The following ZNF678 variants were observed in gnomAD, a reference collection of about 807,000 sequenced individuals.
ZNF678 encodes the protein hypothetical protein MGC42493.
ZNF678 carries 5 observed loss-of-function variants against 3.0 expected under a neutral mutation model. The ratio of observed to expected loss-of-function variants is 1.69; its 90% CI spans 0.88 to 3.56. The LOEUF is 3.56. Ranked by LOEUF, ZNF678 falls within the 30% of genes most tolerant of loss-of-function variation. ZNF678 has a pLI of 0.00. For missense variants in ZNF678, 593 were observed against 605.0 expected, an observed-to-expected ratio of 0.98 and a Z score of 0.21; for synonymous variants, 218 against 199.6, an observed-to-expected ratio of 1.09 and a Z score of -0.78.
At chr1:227,589,997 CAGAT>C (rs1329908995) in intron 1 of ZNF678, among the ~76,000 whole-genome samples, 1 of 151,806 alleles carries the variant, frequency 6.6e-6, no homozygotes, top group Non-Finnish European at 1.5e-5. Context: ...CCCTGCATGA[CAGAT>C]AGTGATTTAT....
chr1:227,625,865 C>T (rs1056774606), intron 1 of ZNF678, among the ~76,000 whole-genome samples: 1 of 152,138 alleles, frequency 6.6e-6, no homozygotes, highest in African/African-American at 2.4e-5. Flanking sequence ...GACAGTGGCT[C>T]CAAGCCCTCC....
chr1:227,633,963 C>T (rs560941120), intron 1 of ZNF678, among the ~76,000 whole-genome samples: 2 of 152,294 alleles, frequency 1.3e-5, no homozygotes, highest in East Asian at 3.9e-4. Flanking sequence ...AAAAAGAGAC[C>T]CCTTCCTTCC....
chr1:227,678,014 A>G (rs1659712622), downstream of ZNF678, among the ~76,000 whole-genome samples: 1 of 152,158 alleles, frequency 6.6e-6, no homozygotes, highest in South Asian at 2.1e-4. Flanking sequence ...AAGACCCCCT[A>G]GGGTGATTTG....
intron 1 of ZNF678, among the ~76,000 whole-genome samples, chr1:227,611,692 T>C (rs1005732640): frequency 6.6e-6 from 1 of 152,232 alleles, no homozygotes; most frequent in African/African-American, 2.4e-5. Context: ...ATGGAGTCTT[T>C]AGACTACTCA....
intron 1 of ZNF678, among the ~76,000 whole-genome samples, chr1:227,586,524 T>C (rs951222261): frequency 6.6e-6 from 1 of 152,208 alleles, no homozygotes; most frequent in Non-Finnish European, 1.5e-5. Context: ...TAGAGGGCTT[T>C]AACGGAGCAC....
chr1:227,584,349 T>C (rs1469581546), intron 1 of ZNF678, among the ~76,000 whole-genome samples: 2 of 152,102 alleles, frequency 1.3e-5, no homozygotes, highest in East Asian at 3.8e-4. Flanking sequence ...AAACGAACCG[T>C]TTATCCACTC....
At chr1:227,639,303 G>C (rs917738482) in intron 1 of ZNF678, among the ~76,000 whole-genome samples, 1 of 152,220 alleles carries the variant, frequency 6.6e-6, no homozygotes, top group Non-Finnish European at 1.5e-5. Flanking sequence ...CCAGCAGGGG[G>C]CCCCTGATGG....
intron 1 of ZNF678, among the ~76,000 whole-genome samples, chr1:227,628,107 G>A (rs1658461162): frequency 6.6e-6 from 1 of 152,152 alleles, no homozygotes; most frequent in Non-Finnish European, 1.5e-5. Flanking sequence ...ATCATGAGAT[G>A]TCCACACAGT....
At chr1:227,668,402 A>C (rs143922689) in intron 5 of ZNF678, among the ~76,000 whole-genome samples, 5 of 152,236 alleles carry the variant, frequency 3.3e-5, no homozygotes, top group Admixed American at 3.3e-4. Flanking sequence ...AAAAAAATCC[A>C]TAATTCTGGC....
chr1:227,630,084 T>C (rs1433378464), intron 1 of ZNF678, among the ~76,000 whole-genome samples: 1 of 152,224 alleles, frequency 6.6e-6, no homozygotes, highest in Non-Finnish European at 1.5e-5. Context: ...TTTTTTCTAA[T>C]GTCTGCAGCT....
At chr1:227,626,721 T>C (rs1384410223) in intron 1 of ZNF678, among the ~76,000 whole-genome samples, 1 of 152,058 alleles carries the variant, frequency 6.6e-6, no homozygotes, top group Non-Finnish European at 1.5e-5. Context: ...CTTTTTTAGA[T>C]GTCATTTGAG....
At chr1:227,641,726 C>T (rs965272064) in intron 1 of ZNF678, among the ~76,000 whole-genome samples, 1 of 150,542 alleles carries the variant, frequency 6.6e-6, no homozygotes, top group Non-Finnish European at 1.5e-5. Flanking sequence ...TTGGAATCTA[C>T]AGTTCTTTGA....
intron 1 of ZNF678, among the ~76,000 whole-genome samples, chr1:227,624,708 C>T (rs1658365137): frequency 6.6e-6 from 1 of 152,158 alleles, no homozygotes; most frequent in Non-Finnish European, 1.5e-5. Flanking sequence ...TGGAACCCAG[C>T]GACTAGTGTT....
chr1:227,608,181 G>A (rs1262474399), intron 1 of ZNF678, among the ~76,000 whole-genome samples: 2 of 152,030 alleles, frequency 1.3e-5, no homozygotes, highest in African/African-American at 2.4e-5. Flanking sequence ...ATTGTAAATT[G>A]TAACCAAAAA....
intron 1 of ZNF678, among the ~76,000 whole-genome samples, chr1:227,630,932 C>T (rs999442835): frequency 6.6e-6 from 1 of 152,144 alleles, no homozygotes; most frequent in Non-Finnish European, 1.5e-5. Context: ...TCCATTTGCC[C>T]TCTTCTACAA....
At position 227,650,339 on chromosome 1, in the gene ZNF678, GCTCT is replaced by G. The variant is rs1338544216; in HGVS notation, c.-36-614_-36-611del. Among the ~76,000 whole-genome samples, 2 of 152,040 alleles carry G rather than the reference GCTCT, an allele frequency of 1.3e-5. 1 individual carries two copies. Among genetic ancestry groups the G allele is most frequent in the South Asian group, 4.2e-4 (2 of 4,814 alleles). On this transcript the variant is annotated intron_variant, in intron 2 of 3. Coordinates refer to ENST00000343776, the MANE Select transcript of ZNF678 (RefSeq NM_001367909.1). ...CTTATATGCATGGGTTTATTTCTGA[GCTCT>G]CTATTTTGTTCCCTTTTTTTGTATC... is the stretch of plus-strand genomic sequence containing the variant.
At chr1:227,584,741 G>A (rs1406269990) in intron 1 of ZNF678, among the ~76,000 whole-genome samples, 1 of 152,174 alleles carries the variant, frequency 6.6e-6, no homozygotes, top group Non-Finnish European at 1.5e-5. Context: ...GTTGATGGGT[G>A]AAAACTTACT....
At position 227,587,203 on chromosome 1, in the gene ZNF678, A is replaced by G. The variant is rs544959810; in HGVS notation, c.-164+23479A>G. Reference sequence around the variant, plus strand: ...GTGTCGTCAAGTAATCACTTTCTGCATAGGCCATCTTTATCCCATGCTTCT... The same window carrying G: ...GTGTCGTCAAGTAATCACTTTCTGCGTAGGCCATCTTTATCCCATGCTTCT... On this transcript the variant is annotated intron_variant, in intron 1 of 3. Transcript: ENST00000343776. 4.6e-5 allele frequency among the ~76,000 whole-genome samples: 7 copies of G among 152,182 alleles called. No homozygotes were observed. In the East Asian group the frequency reaches 7.7e-4, roughly 17 times the overall value.
At position 227,654,878 on chromosome 1, in the gene ZNF678, C is replaced by A. The variant is rs544562303; in HGVS notation, c.628C>A (p.Pro210Thr). ...AATTCATAGTGGAGAGAAACCATAC[C>A]CATGTGAAGAATGTGGCAAAGCCTT... is the stretch of plus-strand genomic sequence containing the variant. ...KKIHSGEKPYPCEECGKAFTQ... is the reference protein window; with the variant it reads ...KKIHSGEKPYTCEECGKAFTQ... Residue 210 changes from proline (P) to threonine (T), a missense_variant, in exon 4 of 4, where the codon CCA becomes ACA. By Grantham distance (38) the Pro-to-Thr change is conservative. Transcript: ENST00000343776. The A allele has an allele frequency of 3.1e-6, 5 of 1,606,474 alleles. No homozygotes were observed. The highest frequency in any genetic ancestry group is 1.7e-5 in the Admixed American group (1 of 58,002).
Sources: gnomAD v4.1 joint callset for allele counts (sites outside exome capture counted in the v4.1 genomes callset) on GRCh38, gnomAD v4.1.1 for gene constraint, MANE v1.5 for transcripts, NCBI Gene and HGNC (gene_info 2026-07-23, HGNC 2026-07-21) for gene names.